AGAP1: variants seen among roughly 807,000 people sequenced by gnomAD.
AGAP1 encodes the protein arf-GAP with GTPase, ANK repeat and PH domain-containing protein 1.
A neutral mutation model predicts 105.3 loss-of-function variants in AGAP1; 29 were observed. That is an observed-to-expected ratio of 0.28 (90% CI 0.21 to 0.38). The LOEUF (loss-of-function observed/expected upper bound fraction) is 0.38, where lower values mean the gene tolerates loss of function less well. Among genes scored for constraint, AGAP1 ranks in the 10% least tolerant of loss-of-function variants. The probability of loss-of-function intolerance (pLI) is 1.00; values close to 1 mark genes in which losing one functional copy is unlikely to be tolerated. For missense variants in AGAP1, 998 were observed against 1,165.1 expected (o/e 0.86, Z 2.09); for synonymous variants, 509 against 485.9 (o/e 1.05, Z -0.63).
At chr2:236,075,139 G>A (rs1202592616) in intron 16 of AGAP1, among the ~76,000 whole-genome samples, 3 of 152,202 alleles carry the variant, frequency 2.0e-5, no homozygotes, top group Non-Finnish European at 2.9e-5. Context: ...TGTAGAGATA[G>A]AAGGAGAAGC....
rs1166756678 is a variant in AGAP1 at position 235,959,602 on chromosome 2, C to T, written c.1484-8860C>T. Among the ~76,000 whole-genome samples the T allele has an allele frequency of 3.3e-5, 5 of 151,972 alleles. No homozygotes were observed. The highest frequency in any genetic ancestry group is 1.3e-4 in the Admixed American group (2 of 15,252). ...TGGTCGCTCCTCACTGGTCTTGAGT[C>T]CCAGGTGACACTTCCTGCCCGACTT... On this transcript the variant is annotated intron_variant, in intron 12 of 17. Coordinates refer to ENST00000304032, the MANE Select transcript of AGAP1 (RefSeq NM_001037131.3). This position sits in a 1 kb window ranked among gnomAD's most constrained non-coding sequence, Gnocchi z 7.3.
Position 236,055,056 on chromosome 2 carries a change from C to T in AGAP1, c.2114+5775C>T, listed in dbSNP as rs1030996278. On this transcript the variant is annotated intron_variant, in intron 16 of 17. Coordinates refer to ENST00000304032, the MANE Select transcript of AGAP1 (RefSeq NM_001037131.3). This position sits in a 1 kb window ranked among gnomAD's most constrained non-coding sequence, Gnocchi z 6.2. ...TGATTATCTTAATGTTAAATATGTC[C>T]GGCAGCAATTACTGTGACCTCCCGC... is the stretch of plus-strand genomic sequence containing the variant. 5.9e-5 allele frequency among the ~76,000 whole-genome samples: 9 copies of T among 152,138 alleles called. No homozygotes were observed. The highest frequency in any genetic ancestry group is 3.9e-4 in the East Asian group (2 of 5,190).
intron 13 of AGAP1, among the ~76,000 whole-genome samples, chr2:235,995,163 T>C (rs1207941340): frequency 1.3e-5 from 2 of 150,450 alleles, no homozygotes; most frequent in African/African-American, 2.4e-5. Context: ...ATATAGCTTA[T>C]AAATAAAATA....
At chr2:235,591,566 C>T (rs1420564669) in intron 1 of AGAP1, among the ~76,000 whole-genome samples, 3 of 152,162 alleles carry the variant, frequency 2.0e-5, no homozygotes, top group Non-Finnish European at 2.9e-5. Context: ...GATAAGCATA[C>T]GGCCTCTTCA....
At chr2:235,670,396 C>T (rs1304867015) in intron 1 of AGAP1, 1 of 567,938 alleles carries the variant, frequency 1.8e-6, no homozygotes, top group Admixed American at 2.8e-5. Flanking sequence ...GCACCCGCAG[C>T]ACCGGGCAGC....
In AGAP1 at chr2:235,633,043, T is replaced by A. The variant is rs1559302415; in HGVS notation, c.164-76136T>A. Among the ~76,000 whole-genome samples the A allele has an allele frequency of 6.6e-6, 1 of 152,056 alleles. No homozygotes were observed. Among genetic ancestry groups the A allele is most frequent in the Non-Finnish European group, 1.5e-5 (1 of 68,012 alleles). On this transcript the variant is annotated intron_variant, in intron 1 of 17. Transcript: ENST00000304032. This position sits in a 1 kb window ranked among gnomAD's most constrained non-coding sequence, Gnocchi z 4.8. The stretch of plus-strand genomic sequence containing the variant: ...TCTGAACCCCCGACTCTTGGTGGGC[T>A]TTTGAGTTCTGCTTTTGCTTGAACT...
At chr2:235,773,200 T>C (rs1476521529) in intron 6 of AGAP1, among the ~76,000 whole-genome samples, 2 of 152,230 alleles carry the variant, frequency 1.3e-5, no homozygotes, top group Non-Finnish European at 2.9e-5. Flanking sequence ...AAATATCCTC[T>C]AGAGGTTTCC....
At chr2:235,825,553 G>T (rs971484883) in intron 9 of AGAP1, among the ~76,000 whole-genome samples, 1 of 152,116 alleles carries the variant, frequency 6.6e-6, no homozygotes, top group African/African-American at 2.4e-5. Context: ...CATTATTTCA[G>T]TGTCTGCTTT....
At chr2:235,779,605 A>G (rs1176204009) in intron 6 of AGAP1, among the ~76,000 whole-genome samples, 7 of 152,200 alleles carry the variant, frequency 4.6e-5, no homozygotes, top group Admixed American at 4.6e-4. Context: ...GGAGGCCACT[A>G]GATGGCAGTA....
intron 1 of AGAP1, among the ~76,000 whole-genome samples, chr2:235,497,494 A>G (rs972872298): frequency 3.9e-5 from 6 of 152,248 alleles, no homozygotes; most frequent in Admixed American, 1.3e-4. Context: ...AGCTGGCCAC[A>G]TTTTAGAAGA....
At chr2:236,029,671 G>A (rs1173684863) in intron 13 of AGAP1, among the ~76,000 whole-genome samples, 1 of 151,960 alleles carries the variant, frequency 6.6e-6, no homozygotes, top group Non-Finnish European at 1.5e-5. Flanking sequence ...AATATATTTT[G>A]TTCTTTCCTT....
Position 235,843,259 on chromosome 2 carries a change from G to A in AGAP1, c.1050+35928G>A, listed in dbSNP as rs1038410090. On this transcript the variant is annotated intron_variant, in intron 9 of 17. Transcript: ENST00000304032. The surrounding 1 kb of genome is among the most constrained non-coding windows in gnomAD (Gnocchi z 5.9). ...CGGGAGGACCTGAGCTTCGGCTGCG[G>A]CCTTCCAGCCCCCTGGGTCTCACTG... Among the ~76,000 whole-genome samples, 4 of 152,094 alleles carry A rather than the reference G, an allele frequency of 2.6e-5. No individual in the cohort carries two copies. The highest frequency in any genetic ancestry group is 2.0e-4 in the Admixed American group (3 of 15,276).
In AGAP1 at chr2:235,739,440, C is replaced by T. The variant is rs1952447660; in HGVS notation, c.311-1523C>T. ...ACCCTGTCTGGACCCAGCGGCCTGA[C>T]TGGCCTGGATGTGTCCCCTGCTAAC... On this transcript the variant is annotated intron_variant, in intron 3 of 17. Coordinates refer to ENST00000304032, the MANE Select transcript of AGAP1 (RefSeq NM_001037131.3). The surrounding 1 kb of genome is among the most constrained non-coding windows in gnomAD (Gnocchi z 5.3). Among the ~76,000 whole-genome samples the T allele has an allele frequency of 6.6e-6, 1 of 152,260 alleles. No homozygotes were observed. The highest frequency in any genetic ancestry group is 6.5e-5 in the Admixed American group (1 of 15,288).
intron 16 of AGAP1, among the ~76,000 whole-genome samples, chr2:236,052,038 G>C (rs1023680020): frequency 9.9e-5 from 15 of 152,040 alleles, no homozygotes; most frequent in African/African-American, 3.6e-4. Flanking sequence ...CGCTCCCTCT[G>C]CCCCACTCCG....
chr2:235,718,900 T>C (rs1728289), intron 3 of AGAP1, among the ~76,000 whole-genome samples: 115,939 of 152,130 alleles, frequency 0.76, 44,721 homozygotes, highest in East Asian at 0.99. Flanking sequence ...CCACATTTTG[T>C]CAGGGCTCTG....
In AGAP1 at chr2:235,973,025, C is replaced by T. The variant is rs2054717466; in HGVS notation, c.1645+4402C>T. Among the ~76,000 whole-genome samples the T allele has an allele frequency of 1.3e-5, 2 of 152,232 alleles. No homozygotes were observed. The highest frequency in any genetic ancestry group is 1.9e-4 in the East Asian group (1 of 5,162). On this transcript the variant is annotated intron_variant, in intron 13 of 17. Transcript: ENST00000304032. This position sits in a 1 kb window ranked among gnomAD's most constrained non-coding sequence, Gnocchi z 4.7. ...TAAGCACAGAGGTTCTCACTCTGGC[C>T]GTTTCTTACCTCTGTGGCGCACTTA... is the stretch of plus-strand genomic sequence containing the variant.
At chr2:235,688,244 G>A (rs1398066945) in intron 1 of AGAP1, among the ~76,000 whole-genome samples, 1 of 152,112 alleles carries the variant, frequency 6.6e-6, no homozygotes, top group Non-Finnish European at 1.5e-5. Context: ...ACTCTTGCTG[G>A]GCTGTAGATG....
chr2:235,997,264 T>A (rs927978656), intron 13 of AGAP1, among the ~76,000 whole-genome samples: 2 of 152,176 alleles, frequency 1.3e-5, no homozygotes, highest in Admixed American at 6.5e-5. Context: ...TAATTTTGTA[T>A]TTTTAGTAGA....
chr2:235,766,907 ATTTTTTTTTT>A (rs71036292), intron 6 of AGAP1, among the ~76,000 whole-genome samples: 1 of 109,950 alleles, frequency 9.1e-6, no homozygotes, highest in Admixed American at 1.0e-4. Flanking sequence ...ACACCGGCTA[ATTTTTTTTTT>A]TTTTTTTTTT....
Sources: gnomAD v4.1 joint callset for allele counts (sites outside exome capture counted in the v4.1 genomes callset) on GRCh38, gnomAD v4.1.1 for gene constraint, Gnocchi (gnomAD v3.1) non-coding constraint, MANE v1.5 for transcripts, NCBI Gene and HGNC (gene_info 2026-07-23, HGNC 2026-07-21) for gene names.